The following WDFY4 variants were observed in gnomAD, a reference collection of about 807,000 sequenced individuals.
The protein encoded by WDFY4 is WDFY family member 4, also known as WD repeat- and FYVE domain-containing protein 4.
In WDFY4, 169 loss-of-function variants were observed where a neutral mutation model predicts 351.9. That is an observed-to-expected ratio of 0.48 (90% confidence interval 0.42 to 0.55). The LOEUF (loss-of-function observed/expected upper bound fraction) is 0.55. Among genes scored for constraint, WDFY4 ranks in the 20% least tolerant of loss-of-function variants. The pLI is 0.00. For synonymous variants in WDFY4, 1,622 were observed against 1,574.6 expected, an observed-to-expected ratio of 1.03 and a Z score of -0.71; for missense variants, 3,803 against 3,935.6, an observed-to-expected ratio of 0.97 and a Z score of 0.90.
At chr10:48,690,130 G>A (rs2063155772) in intron 1 of WDFY4, among the ~76,000 whole-genome samples, 1 of 152,292 alleles carries the variant, frequency 6.6e-6, no homozygotes, top group East Asian at 1.9e-4. Context: ...GAATTCATAG[G>A]AAACAAAATC....
At chr10:48,817,928 T>A (rs1294305281) in intron 32 of WDFY4, among the ~76,000 whole-genome samples, 1 of 152,122 alleles carries the variant, frequency 6.6e-6, no homozygotes, top group African/African-American at 2.4e-5. Flanking sequence ...AAGGATGAGG[T>A]CTTGGGTCTT....
At chr10:48,880,893 G>A (rs1312079483) in intron 43 of WDFY4, among the ~76,000 whole-genome samples, 1 of 152,154 alleles carries the variant, frequency 6.6e-6, no homozygotes, top group Non-Finnish European at 1.5e-5. Context: ...GGTGGGGGCA[G>A]GGCAGGGTCC....
chr10:48,959,165 G>T (rs1340849098), intron 52 of WDFY4, among the ~76,000 whole-genome samples: 1 of 152,190 alleles, frequency 6.6e-6, no homozygotes, highest in South Asian at 2.1e-4. Context: ...AGGGAGACTT[G>T]GGTTGAGTCC....
intron 52 of WDFY4, among the ~76,000 whole-genome samples, chr10:48,959,003 C>T (rs555473774): frequency 4.6e-5 from 7 of 152,294 alleles, no homozygotes; most frequent in South Asian, 4.2e-4. Flanking sequence ...ATATGCCTGA[C>T]GTCATTCTAA....
rs1842004027 is a variant in WDFY4, at chr10:48,964,754, C to T, written c.8436+700C>T. Among the ~76,000 whole-genome samples the T allele has an allele frequency of 2.0e-5, 3 of 152,210 alleles. 1 individual carries two copies. On this transcript the variant is annotated intron_variant, in intron 54 of 61. Transcript: ENST00000325239. ...ATGAGGTTGTGCATTCCCCTGTTGA[C>T]ATACTGATGAAAGCACAAGTTAGGT...
At position 48,970,130 on chromosome 10, in the gene WDFY4, G is replaced by A; in HGVS notation, c.8770-1G>A. The stretch of plus-strand genomic sequence containing the variant: ...GCGCTCATCCCCCTTATCTCCTACA[G>A]GTCCTGATGACATTCGAGAACCTGG... On this transcript the variant is annotated splice_acceptor_variant, in intron 56 of 61. Coordinates refer to ENST00000325239, the MANE Select transcript of WDFY4 (RefSeq NM_001394531.1). LOFTEE classifies it high-confidence loss of function. 1 of 1,551,502 alleles carries A rather than the reference G, an allele frequency of 6.4e-7. No homozygotes were observed. The highest frequency in any genetic ancestry group is 8.7e-7 in the Non-Finnish European group (1 of 1,146,986).
chr10:48,862,288 A>T (rs1289245696), intron 39 of WDFY4, among the ~76,000 whole-genome samples: 9 of 152,224 alleles, frequency 5.9e-5, no homozygotes, highest in Non-Finnish European at 1.0e-4. Flanking sequence ...AGATTTATTT[A>T]TATGTAATTC....
chr10:48,721,257 C>A lies in WDFY4; in HGVS notation c.350-4C>A, dbSNP rs2064079270. 1.3e-6 allele frequency: 2 copies of A among 1,551,474 alleles called. No homozygotes were observed. The highest frequency in any genetic ancestry group is 1.7e-6 in the Non-Finnish European group (2 of 1,146,920). On this transcript the variant is annotated splice_region_variant and splice_polypyrimidine_tract_variant and intron_variant, in intron 3 of 61. Coordinates refer to ENST00000325239, the MANE Select transcript of WDFY4 (RefSeq NM_001394531.1). ...TATGCCCTGCTGGTGACACTTTCTT[C>A]CAGAGCAAGCTCGGTTGGCAGCTGG...
rs2066576523 is a variant in WDFY4, at chr10:48,788,643, A to C, written c.3922A>C (p.Asn1308His). The C allele has an allele frequency of 6.4e-7, 1 of 1,551,588 alleles. No homozygotes were observed. Among genetic ancestry groups the C allele is most frequent in the Non-Finnish European group, 8.7e-7 (1 of 1,146,994 alleles). Reference protein sequence around the residue: ...TSVADIRNAYNEVDSRLIAKE... With the variant: ...TSVADIRNAYHEVDSRLIAKE... ...TGTAGCGGACATCAGAAATGCTTAC[A>C]ATGAGGTGGACAGCCGCCTGATCGC... is the stretch of plus-strand genomic sequence containing the variant. Residue 1308 changes from asparagine to histidine, a missense_variant, in exon 21 of 62, where the codon AAT (asparagine) becomes CAT (histidine). Physicochemically the swap from Asn to His is moderately conservative, Grantham distance 68. Coordinates refer to ENST00000325239, the MANE Select transcript of WDFY4 (RefSeq NM_001394531.1).
At chr10:48,778,409 G>A (rs1025154956) in intron 17 of WDFY4, among the ~76,000 whole-genome samples, 2 of 152,266 alleles carry the variant, frequency 1.3e-5, no homozygotes, top group Non-Finnish European at 2.9e-5. Context: ...AGGAGCCCAC[G>A]TGTGACGGAC....
intron 12 of WDFY4, among the ~76,000 whole-genome samples, chr10:48,750,548 C>A (rs2065150933): frequency 6.6e-6 from 1 of 152,248 alleles, no homozygotes; most frequent in Non-Finnish European, 1.5e-5. Flanking sequence ...GCCTGCCCAT[C>A]CCCATCCCAT....
At chr10:48,887,965 A>G (rs1263228837) in intron 43 of WDFY4, among the ~76,000 whole-genome samples, 1 of 152,226 alleles carries the variant, frequency 6.6e-6, no homozygotes, top group Non-Finnish European at 1.5e-5. Flanking sequence ...AACTATTAAT[A>G]AGAATTAGAC....
intron 32 of WDFY4, among the ~76,000 whole-genome samples, chr10:48,818,603 G>T (rs1016200496): frequency 6.6e-6 from 1 of 152,138 alleles, no homozygotes; most frequent in Non-Finnish European, 1.5e-5. Context: ...AACAAGAGAC[G>T]GAGCCAAAGT....
At chr10:48,920,583 GTTC>G (rs1156676668) in intron 47 of WDFY4, among the ~76,000 whole-genome samples, 1 of 152,156 alleles carries the variant, frequency 6.6e-6, no homozygotes, top group Non-Finnish European at 1.5e-5. Context: ...AGGACAGAAG[GTTC>G]TTCTCTGAAG....
chr10:48,773,699 C>T (rs529415710), intron 13 of WDFY4, among the ~76,000 whole-genome samples: 2 of 152,200 alleles, frequency 1.3e-5, no homozygotes, highest in South Asian at 2.1e-4. Flanking sequence ...GGAGGGTGGG[C>T]GGAGGGAGAT....
At position 48,727,560 on chromosome 10, in the gene WDFY4, T is replaced by C. The variant is rs1400169907; in HGVS notation, c.872T>C (p.Ile291Thr). ...APEVSEAVSL[I>T]LGFVKDSYPV... ...GAAGTGAGCGAGGCTGTAAGCCTGATCTTGGGATTCGTGAAGGACTCCTAC... is the reference window on the plus strand; with the variant it reads ...GAAGTGAGCGAGGCTGTAAGCCTGACCTTGGGATTCGTGAAGGACTCCTAC... The change falls in exon 7 of 62, where the codon ATC becomes ACC. Residue 291 changes from isoleucine (I) to threonine (T), a missense_variant. Physicochemically the swap from Ile to Thr is moderately conservative, Grantham distance 89. Around this residue, in one of 3 missense-constraint regions of WDFY4, gnomAD observed 488 missense variants for 456.8 expected, o/e 1.07. Coordinates refer to ENST00000325239, the MANE Select transcript of WDFY4 (RefSeq NM_001394531.1). 2 of 1,551,856 alleles carry C rather than the reference T, an allele frequency of 1.3e-6. No individual in the cohort carries two copies. The highest frequency in any genetic ancestry group is 1.7e-6 in the Non-Finnish European group (2 of 1,147,016).
chr10:48,890,596 C>T lies in WDFY4; in HGVS notation c.7185C>T (p.Ser2395=). ...CCTTCCAGGTGACGCAGAAGTTCTC[C>T]CTGGTGATTGTGCAGGGCCACCTGG... ...LDKEKVTQKF[S]LVIVQGHLVS... Residue 2395 remains serine (S), a synonymous_variant, in exon 44 of 62, where the codon TCC becomes TCT. Coordinates refer to ENST00000325239, the MANE Select transcript of WDFY4 (RefSeq NM_001394531.1). 1 of 1,551,732 alleles carries T rather than the reference C, an allele frequency of 6.4e-7. No homozygotes were observed. Among genetic ancestry groups the T allele is most frequent in the Non-Finnish European group, 8.7e-7 (1 of 1,147,002 alleles).
chr10:48,732,904 G>A (rs1450574045), intron 9 of WDFY4, among the ~76,000 whole-genome samples: 1 of 152,240 alleles, frequency 6.6e-6, no homozygotes, highest in Non-Finnish European at 1.5e-5. Flanking sequence ...GGACTGCGAA[G>A]GATGAGCCCA....
At chr10:48,726,769 A>C (rs577710662) in intron 6 of WDFY4, among the ~76,000 whole-genome samples, 1 of 152,242 alleles carries the variant, frequency 6.6e-6, no homozygotes, top group African/African-American at 2.4e-5. Flanking sequence ...GCATTATCTC[A>C]AGCTCTCATA....
Sources: gnomAD v4.1 joint callset for allele counts (sites outside exome capture counted in the v4.1 genomes callset) on GRCh38, gnomAD v4.1.1 for gene constraint, gnomAD v4.1.1 regional missense constraint, MANE v1.5 for transcripts, NCBI Gene and HGNC (gene_info 2026-07-23, HGNC 2026-07-21) for gene names.